Variants in MAPKAP1 observed in about 807,000 individuals in gnomAD.
MAPKAP1 encodes the protein MAPK associated protein 1, also known as target of rapamycin complex 2 subunit MAPKAP1.
A neutral mutation model predicts 65.7 loss-of-function variants in MAPKAP1; 20 were observed. The observed-to-expected ratio is 0.30, with a 90% CI of 0.21 to 0.44. The LOEUF is 0.44. Among genes scored for constraint, MAPKAP1 ranks in the 20% least tolerant of loss-of-function variants. The pLI is 1.00. For missense variants in MAPKAP1, 423 were observed against 648.0 expected (o/e 0.65, Z 3.77); for synonymous variants, 222 against 244.3 (o/e 0.91, Z 0.85).
chr9:125,672,623 T>C lies in MAPKAP1; in HGVS notation c.-49A>G. On this transcript the variant is annotated 5_prime_UTR_variant, in exon 2 of 12. Transcript: ENST00000265960. The stretch of plus-strand genomic sequence containing the variant: ...AAAAGGCTATTTTCTCCTCTTCATA[T>C]TGTTTCACGAGCTCACCTACCTAGA... The C allele has an allele frequency of 6.3e-7, 1 of 1,595,856 alleles. No individual in the cohort carries two copies. Among genetic ancestry groups the C allele is most frequent in the South Asian group, 1.1e-5 (1 of 88,354 alleles).
chr9:125,542,211 T>G (rs1830273132), intron 7 of MAPKAP1, among the ~76,000 whole-genome samples: 1 of 152,230 alleles, frequency 6.6e-6, no homozygotes, highest in Admixed American at 6.5e-5. Context: ...CTAACTTTTA[T>G]TAAAACTTCA....
At chr9:125,611,009 G>A (rs1832585875) in intron 4 of MAPKAP1, among the ~76,000 whole-genome samples, 1 of 152,154 alleles carries the variant, frequency 6.6e-6, no homozygotes, top group Admixed American at 6.5e-5. Context: ...GCAAAAATGT[G>A]GAGTAAGTGC....
At chr9:125,444,854 G>C (rs1852643183) in intron 10 of MAPKAP1, among the ~76,000 whole-genome samples, 1 of 152,178 alleles carries the variant, frequency 6.6e-6, no homozygotes, top group South Asian at 2.1e-4. Flanking sequence ...CGTTAGGAAG[G>C]CTTTACGGAA....
intron 4 of MAPKAP1, among the ~76,000 whole-genome samples, chr9:125,642,164 C>A (rs1000248859): frequency 1.3e-5 from 2 of 151,448 alleles, no homozygotes; most frequent in Non-Finnish European, 2.9e-5. Context: ...AAGATCACAT[C>A]CCTGCACTCC....
chr9:125,625,270 A>AT (rs1225367114), intron 4 of MAPKAP1, among the ~76,000 whole-genome samples: 13,613 of 135,950 alleles, frequency 0.1, 990 homozygotes, highest in Middle Eastern at 0.17. Context: ...AAAAAAAAAA[A>AT]AAAAAAAAAA....
chr9:125,647,088 C>T (rs545536885), intron 4 of MAPKAP1, among the ~76,000 whole-genome samples: 39 of 152,256 alleles, frequency 2.6e-4, no homozygotes, highest in African/African-American at 7.7e-4. Context: ...TAACTTCATA[C>T]GGACAATTAA....
chr9:125,641,313 TAATC>T (rs1833570969), intron 4 of MAPKAP1, among the ~76,000 whole-genome samples: 2 of 152,226 alleles, frequency 1.3e-5, no homozygotes, highest in African/African-American at 2.4e-5. Context: ...TGGCTTTTCT[TAATC>T]AAGAAAAGAT....
chr9:125,597,612 C>T (rs1332733974), intron 4 of MAPKAP1, among the ~76,000 whole-genome samples: 1 of 152,088 alleles, frequency 6.6e-6, no homozygotes, highest in African/African-American at 2.4e-5. Context: ...GGAAAAGAAA[C>T]AGAGAAAGGA....
intron 7 of MAPKAP1, among the ~76,000 whole-genome samples, chr9:125,522,794 T>C (rs1829657258): frequency 6.6e-6 from 1 of 152,202 alleles, no homozygotes; most frequent in Non-Finnish European, 1.5e-5. Flanking sequence ...CAAGGCTTTC[T>C]ATCCATCCTA....
chr9:125,480,304 T>C (rs1176112705), intron 9 of MAPKAP1, among the ~76,000 whole-genome samples: 3 of 152,204 alleles, frequency 2.0e-5, no homozygotes, highest in Non-Finnish European at 4.4e-5. Flanking sequence ...CTGATTATAA[T>C]GATAAAGACT....
intron 7 of MAPKAP1, among the ~76,000 whole-genome samples, chr9:125,507,528 T>G (rs1275499959): frequency 7.9e-5 from 12 of 152,204 alleles, no homozygotes; most frequent in Non-Finnish European, 1.6e-4. Flanking sequence ...GCATGAGGCA[T>G]TTCACTCATT....
chr9:125,526,612 G>T (rs1312156740), intron 7 of MAPKAP1, among the ~76,000 whole-genome samples: 2 of 152,176 alleles, frequency 1.3e-5, no homozygotes, highest in Non-Finnish European at 2.9e-5. Flanking sequence ...ATGTTGAAAT[G>T]AATGGTTTGC....
chr9:125,447,194 C>T lies in MAPKAP1; in HGVS notation c.1346-2596G>A. On this transcript the variant is annotated intron_variant, in intron 10 of 11. Coordinates refer to ENST00000265960, the MANE Select transcript of MAPKAP1 (RefSeq NM_001006617.3). This position sits in a 1 kb window ranked among gnomAD's most constrained non-coding sequence, Gnocchi z 4.5. ...TGTGGAGGCTGTGTGTGTCTCCTGC[C>T]TATCCCCAGGGCTCATTCCAGCACC... The T allele has an allele frequency of 3.4e-6, 1 of 292,484 alleles. No individual in the cohort carries two copies. 18.1% of individuals were successfully genotyped at this position (292,484 alleles called of 1,614,324 possible).
chr9:125,644,821 AAAGAGATAAT>A (rs1833679274), intron 4 of MAPKAP1, among the ~76,000 whole-genome samples: 1 of 152,274 alleles, frequency 6.6e-6, no homozygotes, highest in African/African-American at 2.4e-5. Context: ...TGTCTCATTT[AAAGAGATAAT>A]ATCCATTTCT....
chr9:125,643,057 G>A (rs768881600), intron 4 of MAPKAP1, among the ~76,000 whole-genome samples: 66 of 149,958 alleles, frequency 4.4e-4, no homozygotes, highest in Non-Finnish European at 5.8e-4. Context: ...CTGCCACCAC[G>A]TCTGGCTAAT....
At chr9:125,632,331 A>G (rs1251448665) in intron 4 of MAPKAP1, among the ~76,000 whole-genome samples, 1 of 152,192 alleles carries the variant, frequency 6.6e-6, no homozygotes, top group Non-Finnish European at 1.5e-5. Flanking sequence ...ACATACCATT[A>G]AATTAGGGAC....
At chr9:125,445,848 C>G (rs1194689100) in intron 10 of MAPKAP1, among the ~76,000 whole-genome samples, 1 of 152,202 alleles carries the variant, frequency 6.6e-6, no homozygotes, top group African/African-American at 2.4e-5. Flanking sequence ...CCATTACTGG[C>G]AAGCAAAGGA....
chr9:125,683,271 C>A (rs2416969), intron 1 of MAPKAP1, among the ~76,000 whole-genome samples: 15 of 152,076 alleles, frequency 9.9e-5, no homozygotes, highest in African/African-American at 3.4e-4. Context: ...ATTCTTGCCC[C>A]TTTCTGTTGT....
intron 5 of MAPKAP1, among the ~76,000 whole-genome samples, chr9:125,564,140 C>T (rs1018508081): frequency 6.6e-6 from 1 of 152,094 alleles, no homozygotes; most frequent in African/African-American, 2.4e-5. Flanking sequence ...GCACATGTGT[C>T]AAAGATTGTA....
Sources: allele counts gnomAD v4.1 joint callset (sites outside exome capture counted in the v4.1 genomes callset), GRCh38; gene constraint gnomAD v4.1.1; non-coding constraint Gnocchi (gnomAD v3.1); transcripts MANE v1.5; gene names NCBI Gene and HGNC (gene_info 2026-07-23, HGNC 2026-07-21).